The following ZNF804B variants were observed in gnomAD, a reference collection of about 807,000 sequenced individuals.
ZNF804B encodes zinc finger 804B.
Under a neutral mutation model 101.4 loss-of-function variants are expected in ZNF804B, and 80 were observed. That is an observed-to-expected ratio of 0.79 (90% CI 0.66 to 0.95). ZNF804B has a LOEUF of 0.95. Among genes scored for constraint, ZNF804B ranks in the 40% least tolerant of loss-of-function variants. The probability of loss-of-function intolerance (pLI) is 0.00; values close to 1 mark genes in which losing one functional copy is unlikely to be tolerated. For missense variants in ZNF804B, 1,673 were observed against 1,561.9 expected (o/e 1.07, Z -1.20); for synonymous variants, 622 against 558.8 (o/e 1.11, Z -1.59).
At chr7:89,262,944 G>A (rs193130769) in intron 2 of ZNF804B, among the ~76,000 whole-genome samples, 1 of 151,630 alleles carries the variant, frequency 6.6e-6, no homozygotes, top group Non-Finnish European at 1.5e-5. Context: ...TCATGGTTCT[G>A]ATATTTGCTG....
chr7:89,158,908 C>G (rs1402186926), intron 1 of ZNF804B, among the ~76,000 whole-genome samples: 1 of 152,038 alleles, frequency 6.6e-6, no homozygotes, highest in Non-Finnish European at 1.5e-5. Context: ...TATTGTGAAC[C>G]TCATCAATAG....
At chr7:89,196,122 G>C (rs900843565) in intron 1 of ZNF804B, among the ~76,000 whole-genome samples, 4 of 152,066 alleles carry the variant, frequency 2.6e-5, no homozygotes, top group South Asian at 2.1e-4. Flanking sequence ...AAAGAACAAA[G>C]CTGGAGGCAC....
At chr7:89,088,307 A>G (rs958602435) in intron 1 of ZNF804B, among the ~76,000 whole-genome samples, 1 of 152,096 alleles carries the variant, frequency 6.6e-6, no homozygotes, top group Middle Eastern at 3.2e-3. Context: ...ATAAATTCCC[A>G]TTTATGAAAA....
chr7:88,802,132 G>C (rs1486867016), intron 1 of ZNF804B, among the ~76,000 whole-genome samples: 1 of 152,056 alleles, frequency 6.6e-6, no homozygotes, highest in Non-Finnish European at 1.5e-5. Flanking sequence ...AAGTGAAGAA[G>C]CTCCTTGTTC....
intron 1 of ZNF804B, among the ~76,000 whole-genome samples, chr7:88,926,939 G>A (rs199880567): frequency 1.5e-5 from 1 of 65,332 alleles, no homozygotes; most frequent in Non-Finnish European, 2.8e-5. Context: ...CGGGTGGTGG[G>A]GAGCGGGGGG....
chr7:88,864,455 G>C (rs986519395), intron 1 of ZNF804B, among the ~76,000 whole-genome samples: 1 of 152,142 alleles, frequency 6.6e-6, no homozygotes, highest in Non-Finnish European at 1.5e-5. Flanking sequence ...GGCAGGATGA[G>C]AATGAGATGA....
At chr7:89,022,092 G>T (rs12669928) in intron 1 of ZNF804B, among the ~76,000 whole-genome samples, 77,859 of 151,482 alleles carry the variant, frequency 0.51, 20,863 homozygotes, top group Middle Eastern at 0.63. Context: ...CTTGACTTCA[G>T]GTTGATCTCA....
At chr7:89,324,133 C>T (rs548166822) in intron 2 of ZNF804B, among the ~76,000 whole-genome samples, 9 of 150,994 alleles carry the variant, frequency 6.0e-5, no homozygotes, top group South Asian at 2.1e-4. Flanking sequence ...TAACGTTTTC[C>T]GTAAGTATTG....
intron 1 of ZNF804B, among the ~76,000 whole-genome samples, chr7:89,153,414 AATGATG>A (rs542991833): frequency 0.16 from 22,314 of 140,788 alleles, 1,788 homozygotes; most frequent in Admixed American, 0.18. Context: ...CACTACTACT[AATGATG>A]ATGATGATGA....
In ZNF804B at chr7:89,022,748, G is replaced by A. The variant is rs145258652; in HGVS notation, c.109-195407G>A. Among the ~76,000 whole-genome samples the A allele has an allele frequency of 2.2e-4, 34 of 152,220 alleles. No homozygotes were observed. In the East Asian group the frequency reaches 6.4e-3, roughly 29 times the overall value. ...TGTTAACATCTACCTTTTGCTTATC[G>A]ATGAAAGAGAACATGAGCTATCACA... is the stretch of plus-strand genomic sequence containing the variant. On this transcript the variant is annotated intron_variant, in intron 1 of 3. Transcript: ENST00000333190.
intron 1 of ZNF804B, among the ~76,000 whole-genome samples, chr7:88,993,157 T>G (rs772975878): frequency 6.6e-6 from 1 of 152,034 alleles, no homozygotes; most frequent in South Asian, 2.1e-4. Context: ...ATAATTCTAA[T>G]GCATTTAAAA....
chr7:89,251,989 C>T (rs939846735), intron 2 of ZNF804B, among the ~76,000 whole-genome samples: 7 of 151,880 alleles, frequency 4.6e-5, no homozygotes, highest in Non-Finnish European at 7.4e-5. Context: ...TTCTGGATGC[C>T]GGCCTTCAGA....
intron 1 of ZNF804B, among the ~76,000 whole-genome samples, chr7:89,015,869 G>A (rs1453181852): frequency 2.0e-5 from 3 of 152,222 alleles, no homozygotes; most frequent in Admixed American, 2.0e-4. Flanking sequence ...GGATGGCTGG[G>A]TCAAATGGTA....
chr7:89,278,816 A>G (rs1790031753), intron 2 of ZNF804B, among the ~76,000 whole-genome samples: 1 of 151,526 alleles, frequency 6.6e-6, no homozygotes, highest in Non-Finnish European at 1.5e-5. Flanking sequence ...TTGGCTTAGG[A>G]TTGACTTGGC....
chr7:88,763,560 T>TA (rs56956699), intron 1 of ZNF804B, among the ~76,000 whole-genome samples: 3,408 of 143,714 alleles, frequency 0.024, 68 homozygotes, highest in African/African-American at 0.057. Flanking sequence ...TTAAAGAAAG[T>TA]AAAAAAAAAA....
At chr7:89,214,447 C>G (rs13438433) in intron 1 of ZNF804B, among the ~76,000 whole-genome samples, 7,533 of 152,152 alleles carry the variant, frequency 0.05, 214 homozygotes, top group African/African-American at 0.078. Context: ...GAGAATAGGT[C>G]ATCATTTTTT....
At chr7:89,333,110 G>A (rs192766971) in intron 3 of ZNF804B, among the ~76,000 whole-genome samples, 243 of 152,056 alleles carry the variant, frequency 1.6e-3, no homozygotes, top group African/African-American at 5.4e-3. Context: ...TGCTTTAGAA[G>A]CAGTAGCATA....
chr7:88,961,186 T>A (rs2116089719), intron 1 of ZNF804B, among the ~76,000 whole-genome samples: 1 of 151,590 alleles, frequency 6.6e-6, no homozygotes, highest in African/African-American at 2.4e-5. Context: ...TATTGCAGTT[T>A]AAAGGAAAGT....
intron 2 of ZNF804B, among the ~76,000 whole-genome samples, chr7:89,265,303 C>CGCATGT (rs1554386429): frequency 7.4e-6 from 1 of 135,886 alleles, no homozygotes; most frequent in African/African-American, 2.5e-5. Context: ...TGCGCGTGCG[C>CGCATGT]GCGCGCACAC....
Sources: allele counts gnomAD v4.1 joint callset (sites outside exome capture counted in the v4.1 genomes callset), GRCh38; gene constraint gnomAD v4.1.1; transcripts MANE v1.5; gene names NCBI Gene and HGNC (gene_info 2026-07-23, HGNC 2026-07-21).